Variants in SLC44A5 observed in about 807,000 individuals in gnomAD.
SLC44A5 encodes choline transporter-like protein 5.
A neutral mutation model predicts 101.8 loss-of-function variants in SLC44A5; 57 were observed. The ratio of observed to expected loss-of-function variants is 0.56; its 90% CI spans 0.45 to 0.70. The LOEUF (loss-of-function observed/expected upper bound fraction) is 0.70. Ranked by LOEUF, SLC44A5 falls within the 30% of genes least tolerant of loss-of-function variation. The pLI is 0.00. For missense variants in SLC44A5, 737 were observed against 853.1 expected (o/e 0.86, Z 1.70); for synonymous variants, 281 against 290.9 (o/e 0.97, Z 0.35).
chr1:75,438,831 C>T (rs571328390), intron 2 of SLC44A5, among the ~76,000 whole-genome samples: 1 of 152,106 alleles, frequency 6.6e-6, no homozygotes, highest in South Asian at 2.1e-4. Context: ...TAAGCAAAAA[C>T]AAACCGAAAC....
chr1:75,645,216 T>C, the SLC44A5 span, among the ~76,000 whole-genome samples: 1 of 152,202 alleles, frequency 6.6e-6, no homozygotes, highest in African/African-American at 2.4e-5. Flanking sequence ...TCTTCCACAA[T>C]GGTTGAACTA....
intron 1 of SLC44A5, among the ~76,000 whole-genome samples, chr1:75,575,790 G>T (rs1313892194): frequency 6.6e-6 from 1 of 152,182 alleles, no homozygotes; most frequent in Non-Finnish European, 1.5e-5. Context: ...CAGCTGCTGT[G>T]TGGTGAGTTA....
At chr1:75,543,608 T>G (rs948638494) in intron 1 of SLC44A5, among the ~76,000 whole-genome samples, 1 of 119,272 alleles carries the variant, frequency 8.4e-6, no homozygotes, top group African/African-American at 3.1e-5. Context: ...TATATATATA[T>G]ACACACACAC....
At chr1:75,214,706 G>C (rs369026733) in intron 19 of SLC44A5, 28 bp from the exon 20 acceptor site, 1 of 1,575,642 alleles carries the variant, frequency 6.3e-7, no homozygotes, top group African/African-American at 1.3e-5. Context: ...TATTATTCTG[G>C]AGCCAGTAAC....
At chr1:75,535,337 C>A (rs1460497871) in intron 2 of SLC44A5, among the ~76,000 whole-genome samples, 1 of 152,126 alleles carries the variant, frequency 6.6e-6, no homozygotes, top group Non-Finnish European at 1.5e-5. Context: ...TCAGCACGCA[C>A]CCTGCCACCA....
chr1:75,628,015 C>T, the SLC44A5 span, among the ~76,000 whole-genome samples: 3 of 150,858 alleles, frequency 2.0e-5, no homozygotes, highest in Non-Finnish European at 4.4e-5. Flanking sequence ...TAGTACGTGG[C>T]GAAATAAATG....
intron 1 of SLC44A5, among the ~76,000 whole-genome samples, chr1:75,574,828 T>C (rs993729900): frequency 6.6e-6 from 1 of 152,174 alleles, no homozygotes; most frequent in Non-Finnish European, 1.5e-5. Context: ...TGAGTATCCA[T>C]TTATGGACTT....
At chr1:75,222,593 C>T in intron 13 of SLC44A5, 133 bp from the exon 14 acceptor site, 1 of 574,690 alleles carries the variant, frequency 1.7e-6, no homozygotes, top group Non-Finnish European at 3.1e-6. Flanking sequence ...GAAGTGTTAT[C>T]TCTCCAAAAA....
At chr1:75,422,048 G>T (rs1664039527) in intron 2 of SLC44A5, among the ~76,000 whole-genome samples, 1 of 152,096 alleles carries the variant, frequency 6.6e-6, no homozygotes. Flanking sequence ...CTGAACTCAA[G>T]AAATACTTGT....
At chr1:75,254,378 T>C (rs1266657852) in intron 6 of SLC44A5, among the ~76,000 whole-genome samples, 2 of 152,082 alleles carry the variant, frequency 1.3e-5, no homozygotes, top group African/African-American at 4.8e-5. Flanking sequence ...ATGGTGGTGG[T>C]TGCAGCTGAG....
intron 2 of SLC44A5, among the ~76,000 whole-genome samples, chr1:75,444,191 G>C (rs796331920): frequency 1.1e-4 from 17 of 151,658 alleles, no homozygotes; most frequent in African/African-American, 4.1e-4. Context: ...GTGACGCATA[G>C]CTGTAATCCC....
intron 2 of SLC44A5, among the ~76,000 whole-genome samples, chr1:75,409,885 T>C (rs1459354226): frequency 2.0e-5 from 3 of 152,120 alleles, no homozygotes; most frequent in East Asian, 1.9e-4. Context: ...GATTGTCTAG[T>C]AGCTTTTGCC....
chr1:75,366,283 G>A (rs1021323742), intron 3 of SLC44A5, among the ~76,000 whole-genome samples: 1 of 152,094 alleles, frequency 6.6e-6, no homozygotes, highest in African/African-American at 2.4e-5. Flanking sequence ...CCTTTCTGAA[G>A]GAAAACTTCT....
In SLC44A5 at chr1:75,218,088, C is replaced by A; in HGVS notation, c.1530-128G>T. 13 of 663,226 alleles carry A rather than the reference C, an allele frequency of 2.0e-5. No individual in the cohort carries two copies. The South Asian group carries it at 2.5e-4, about 13-fold the overall frequency. The allele number at this position is 663,226 out of a possible 1,614,324, so 41.1% of individuals were successfully genotyped here. On this transcript the variant is annotated intron_variant, in intron 17 of 23. Coordinates refer to ENST00000370859, the MANE Select transcript of SLC44A5 (RefSeq NM_001130058.2). ...AACAGCAAAGAGACTTTTGCACTCTCTTATTTAGATTGATAAAAGTCTCTA... is the reference window on the plus strand; with the variant it reads ...AACAGCAAAGAGACTTTTGCACTCTATTATTTAGATTGATAAAAGTCTCTA...
chr1:75,356,122 A>G (rs1659049262), intron 3 of SLC44A5, among the ~76,000 whole-genome samples: 1 of 149,108 alleles, frequency 6.7e-6, no homozygotes, highest in African/African-American at 2.5e-5. Flanking sequence ...CTGAGGCATG[A>G]GAATTGCTTG....
the SLC44A5 span, among the ~76,000 whole-genome samples, chr1:75,631,306 T>G: frequency 6.6e-6 from 1 of 152,180 alleles, no homozygotes; most frequent in Non-Finnish European, 1.5e-5. Flanking sequence ...GTGCATCTTG[T>G]TGTCTACCAT....
chr1:75,657,631 A>G, the SLC44A5 span, among the ~76,000 whole-genome samples: 1 of 152,118 alleles, frequency 6.6e-6, no homozygotes, highest in Non-Finnish European at 1.5e-5. Flanking sequence ...CTATATTTAC[A>G]TCAGATAAAA....
At chr1:75,362,654 C>T (rs1659575460) in intron 3 of SLC44A5, among the ~76,000 whole-genome samples, 1 of 151,944 alleles carries the variant, frequency 6.6e-6, no homozygotes, top group Admixed American at 6.6e-5. Flanking sequence ...CCACTGTGAA[C>T]AGAAAAGATA....
chr1:75,211,889 CCTTT>C (rs1315164834), intron 22 of SLC44A5, among the ~76,000 whole-genome samples: 2 of 147,094 alleles, frequency 1.4e-5, no homozygotes, highest in East Asian at 2.0e-4. Flanking sequence ...TTCCTTCCTT[CCTTT>C]CTCTCTCTCT....
Sources: gnomAD v4.1 joint callset for allele counts (sites outside exome capture counted in the v4.1 genomes callset) on GRCh38, gnomAD v4.1.1 for gene constraint, MANE v1.5 for transcripts, NCBI Gene and HGNC (gene_info 2026-07-23, HGNC 2026-07-21) for gene names.